SORCS2: variants seen among roughly 807,000 people sequenced by gnomAD.
SORCS2 encodes VPS10 domain-containing receptor SorCS2.
A neutral mutation model predicts 141.6 loss-of-function variants in SORCS2; 100 were observed. The ratio of observed to expected loss-of-function variants is 0.71; its 90% CI spans 0.60 to 0.83. The LOEUF (loss-of-function observed/expected upper bound fraction) is 0.83. SORCS2 is among the 40% of genes least tolerant of loss of function. The pLI is 0.00. For missense variants in SORCS2, 1,646 were observed against 1,560.2 expected, an observed-to-expected ratio of 1.05 and a Z score of -0.93; for synonymous variants, 789 against 676.9, an observed-to-expected ratio of 1.17 and a Z score of -2.57.
Position 7,728,428 on chromosome 4 carries a change from A to T in SORCS2, c.2948A>T (p.Asp983Val), listed in dbSNP as rs761261858. The T allele has an allele frequency of 6.2e-7, 1 of 1,613,560 alleles. No individual in the cohort carries two copies. Among genetic ancestry groups the T allele is most frequent in the Non-Finnish European group, 8.5e-7 (1 of 1,179,766 alleles). Residue 983 changes from aspartate to valine, a missense_variant, in exon 22 of 27, where the codon GAC (aspartate) becomes GTC (valine). Transcript: ENST00000507866. Reference protein sequence around the residue: ...YNPNTPEWREDVGLVVTRLLS... With the variant: ...YNPNTPEWREVVGLVVTRLLS... ...CCCAACACCCCTGAGTGGAGGGAAG[A>T]CGTGGGCCTGGTGGTCACCCGGCTG...
At chr4:7,390,878 G>A (rs1054574570) in intron 1 of SORCS2, among the ~76,000 whole-genome samples, 5 of 152,150 alleles carry the variant, frequency 3.3e-5, no homozygotes, top group East Asian at 1.9e-4. Context: ...GGCATCGATC[G>A]GCTCTAGTTT....
chr4:7,482,760 A>G (rs1730729074), intron 2 of SORCS2, among the ~76,000 whole-genome samples: 1 of 136,256 alleles, frequency 7.3e-6, no homozygotes, highest in Non-Finnish European at 1.5e-5. Flanking sequence ...GACGCTGTTC[A>G]GACCTGTATC....
rs755512220 is a variant in SORCS2, at chr4:7,654,198, A to G, written c.878A>G (p.His293Arg). 1.9e-6 allele frequency: 3 copies of G among 1,576,862 alleles called. No individual in the cohort carries two copies. Among genetic ancestry groups the G allele is most frequent in the South Asian group, 1.2e-5 (1 of 86,052 alleles). The stretch of plus-strand genomic sequence containing the variant: ...CTGCAAGAGCGAGTGACCAAAGACC[A>G]CGTGTTCTGGTGAGAGCACTTCCCC... ...TLLQERVTKDHVFWSVSGVDA... is the reference protein window; with the variant it reads ...TLLQERVTKDRVFWSVSGVDA... The change falls in exon 5 of 27, where the codon CAC becomes CGC. Residue 293 changes from histidine (H) to arginine (R), a missense_variant. Transcript: ENST00000507866.
chr4:7,385,541 A>T (rs996476513), intron 1 of SORCS2, among the ~76,000 whole-genome samples: 1 of 152,168 alleles, frequency 6.6e-6, no homozygotes, highest in East Asian at 1.9e-4. Flanking sequence ...GTTTGAGTCC[A>T]TCACAGCTGG....
intron 1 of SORCS2, among the ~76,000 whole-genome samples, chr4:7,297,802 G>C (rs924634152): frequency 6.6e-6 from 1 of 152,178 alleles, no homozygotes; most frequent in African/African-American, 2.4e-5. Flanking sequence ...GTGCTGCCTG[G>C]GGTCATGGCA....
At chr4:7,221,876 C>G (rs6852212) in intron 1 of SORCS2, among the ~76,000 whole-genome samples, 127,243 of 152,240 alleles carry the variant, frequency 0.84, 53,421 homozygotes, top group African/African-American at 0.92. Context: ...GTAGGAGGCA[C>G]TGGTTCAATA....
chr4:7,613,961 T>C (rs1477548247), intron 3 of SORCS2, among the ~76,000 whole-genome samples: 1 of 151,892 alleles, frequency 6.6e-6, no homozygotes. Flanking sequence ...TATCCACCCA[T>C]CCACCAGCCA....
At chr4:7,732,608 T>A (rs555206292) in intron 23 of SORCS2, among the ~76,000 whole-genome samples, 1 of 152,206 alleles carries the variant, frequency 6.6e-6, no homozygotes, top group East Asian at 1.9e-4. Context: ...GGTCTGATTC[T>A]CCTGTCCTGC....
chr4:7,612,526 G>T (rs772603220), intron 3 of SORCS2, among the ~76,000 whole-genome samples: 37 of 152,206 alleles, frequency 2.4e-4, no homozygotes, highest in Non-Finnish European at 4.6e-4. Context: ...TGGGCTGGGG[G>T]AACCAGTCCC....
chr4:7,247,039 A>G lies in SORCS2; in HGVS notation c.480+53913A>G, dbSNP rs138067905. Reference sequence around the variant, plus strand: ...TTACAGGGGCTCAGGAAGTGTCTGCATAACAAGCCAAGGTGAGAAGGCCAG... The same window carrying G: ...TTACAGGGGCTCAGGAAGTGTCTGCGTAACAAGCCAAGGTGAGAAGGCCAG... On this transcript the variant is annotated intron_variant, in intron 1 of 26. Coordinates refer to ENST00000507866, the MANE Select transcript of SORCS2 (RefSeq NM_020777.3). Among the ~76,000 whole-genome samples, 251 of 152,294 alleles carry G rather than the reference A, an allele frequency of 1.6e-3. 1 individual carries two copies. Among genetic ancestry groups the G allele is most frequent in the African/African-American group, 5.6e-3 (231 of 41,564 alleles).
chr4:7,501,964 G>T (rs1408462768), intron 2 of SORCS2, among the ~76,000 whole-genome samples: 1 of 152,184 alleles, frequency 6.6e-6, no homozygotes, highest in African/African-American at 2.4e-5. Context: ...GCAGACTTGT[G>T]GGCGCACTCC....
At chr4:7,513,872 G>C (rs1732810815) in intron 2 of SORCS2, among the ~76,000 whole-genome samples, 1 of 152,216 alleles carries the variant, frequency 6.6e-6, no homozygotes, top group Admixed American at 6.5e-5. Flanking sequence ...TGGTTTGCTT[G>C]CCTGGAGAGC....
At chr4:7,586,021 T>C (rs944417981) in intron 3 of SORCS2, among the ~76,000 whole-genome samples, 1 of 152,248 alleles carries the variant, frequency 6.6e-6, no homozygotes, top group Admixed American at 6.5e-5. Context: ...GTCTGATGTT[T>C]GCCTCCTTTT....
chr4:7,562,634 G>T (rs1470854154), intron 3 of SORCS2, among the ~76,000 whole-genome samples: 2 of 152,194 alleles, frequency 1.3e-5, no homozygotes, highest in Non-Finnish European at 2.9e-5. Flanking sequence ...CTGCCATAAT[G>T]AAGGACCACA....
intron 2 of SORCS2, among the ~76,000 whole-genome samples, chr4:7,423,343 A>G (rs901344750): frequency 3.9e-5 from 6 of 152,228 alleles, no homozygotes; most frequent in Non-Finnish European, 7.3e-5. Flanking sequence ...TCAAGGGAGC[A>G]GCATCCCTGG....
chr4:7,539,343 C>T (rs1712380606), intron 3 of SORCS2, among the ~76,000 whole-genome samples: 1 of 152,204 alleles, frequency 6.6e-6, no homozygotes, highest in African/African-American at 2.4e-5. Flanking sequence ...ACCTGCTCTC[C>T]AGGCCCCAGC....
intron 1 of SORCS2, among the ~76,000 whole-genome samples, chr4:7,202,040 A>G (rs1577269274): frequency 6.9e-6 from 1 of 144,722 alleles, no homozygotes; most frequent in African/African-American, 2.5e-5. Context: ...AAGTGCAGAC[A>G]TGGGGCTGTC....
In SORCS2 at chr4:7,435,300, C is replaced by T. The variant is rs553151288; in HGVS notation, c.548+38945C>T. Among the ~76,000 whole-genome samples the T allele has an allele frequency of 1.2e-4, 19 of 152,318 alleles. No homozygotes were observed. The South Asian group carries it at 3.3e-3, about 27-fold the overall frequency. ...TGGAATGTGAGCCCCCCTCACACCC[C>T]GAGGAGTCTCTGCCCCCATTCTGGG... On this transcript the variant is annotated intron_variant, in intron 2 of 26. Coordinates refer to ENST00000507866, the MANE Select transcript of SORCS2 (RefSeq NM_020777.3).
chr4:7,712,839 C>T lies in SORCS2; in HGVS notation c.1975C>T (p.Leu659Phe), dbSNP rs1363973359. Residue 659 changes from leucine (L) to phenylalanine (F), a missense_variant, in exon 15 of 27, where the codon CTC becomes TTC. Coordinates refer to ENST00000507866, the MANE Select transcript of SORCS2 (RefSeq NM_020777.3). ...CGEEDYSSWE[L>F]SNLQGDRCIM... ...CGAGGAGGACTACAGCTCCTGGGAG[C>T]TCTCCAACCTGCAGGTGGGCCGGCA... 1.9e-6 allele frequency: 3 copies of T among 1,613,910 alleles called. No homozygotes were observed. In the East Asian group the frequency reaches 6.7e-5, roughly 36 times the overall value.
Sources: gnomAD v4.1 joint callset for allele counts (sites outside exome capture counted in the v4.1 genomes callset) on GRCh38, gnomAD v4.1.1 for gene constraint, MANE v1.5 for transcripts, NCBI Gene and HGNC (gene_info 2026-07-23, HGNC 2026-07-21) for gene names.